KIF7: variants seen among roughly 807,000 people sequenced by gnomAD.
KIF7 encodes kinesin family member 7.
Under a neutral mutation model 135.7 loss-of-function variants are expected in KIF7, and 104 were observed. The observed-to-expected ratio is 0.77, with a 90% CI of 0.65 to 0.90. The LOEUF is 0.90. KIF7 is among the 40% of genes least tolerant of loss of function. The pLI, the probability that KIF7 is intolerant of heterozygous loss-of-function variation, is 0.00. For synonymous variants in KIF7, 883 were observed against 809.4 expected (o/e 1.09, Z -1.54); for missense variants, 2,005 against 1,839.1 (o/e 1.09, Z -1.65).
downstream of KIF7, chr15:89,625,183 C>A (rs538969502): frequency 9.3e-6 from 15 of 1,613,832 alleles, no homozygotes; most frequent in African/African-American, 1.3e-4. Flanking sequence ...TGTGTCACCC[C>A]CCTGCCCCCG....
chr15:89,651,292 G>A (rs911271443), intron 2 of KIF7, among the ~76,000 whole-genome samples: 1 of 152,152 alleles, frequency 6.6e-6, no homozygotes, highest in African/African-American at 2.4e-5. Context: ...TAGAGACAGG[G>A]TTTCACCATG....
intron 15 of KIF7, chr15:89,630,802 G>C: frequency 6.3e-6 from 3 of 474,178 alleles, no homozygotes. Context: ...GAGGCACCAC[G>C]GTGTCTGCTG....
intron 18 of KIF7, 44 bp from the exon 19 acceptor site, chr15:89,628,830 C>G: frequency 2.5e-6 from 4 of 1,612,004 alleles, no homozygotes; most frequent in Non-Finnish European, 3.4e-6. Context: ...CAGGTGGCAA[C>G]ACCTTCCCGA....
At chr15:89,653,027 C>T (rs1260552871) in intron 1 of KIF7, 73 bp from the exon 2 acceptor site, 15 of 1,197,130 alleles carry the variant, frequency 1.3e-5, no homozygotes, top group Admixed American at 1.1e-4. Context: ...GCAGGGGACT[C>T]GAGCCAGATC....
At position 89,619,589 on chromosome 15, in the gene KIF7, C is replaced by A. The variant is rs150440121; in HGVS notation, c.181-1394G>T. 5.8e-5 allele frequency: 62 copies of A among 1,060,138 alleles called. No homozygotes were observed. The African/African-American group carries it at 8.3e-4, about 14-fold the overall frequency. The allele number at this position is 1,060,138 out of a possible 1,614,324, so 65.7% of individuals were successfully genotyped here. On this transcript the variant is annotated intron_variant and NMD_transcript_variant, in intron 1 of 2. Coordinates refer to the KIF7 transcript ENST00000558928. ...TTCAGAAGTCTCTTAAAGCTAATAG[C>A]TTGCTGAATTTCCATCTTATATGTG... is the stretch of plus-strand genomic sequence containing the variant.
Position 89,645,412 on chromosome 15 carries a change from G to T in KIF7, c.1962C>A (p.Arg654=). The T allele has an allele frequency of 6.2e-7, 1 of 1,614,012 alleles. No individual in the cohort carries two copies. The highest frequency in any genetic ancestry group is 8.5e-7 in the Non-Finnish European group (1 of 1,179,908). Residue 654 remains arginine, a synonymous_variant, in exon 9 of 19, where the codon CGC becomes CGA. Transcript: ENST00000394412. ...CCTTCCTCTCTGGCAGACTCCCTGG[G>T]CGTGCCCCCGCCCTCTGACTGCAGT... ...ISNCSQRAGA[R]PGSLPERKGP...
At chr15:89,617,321 A>G (rs1221961188) in intron 2 of KIF7, among the ~76,000 whole-genome samples, 3 of 152,202 alleles carry the variant, frequency 2.0e-5, no homozygotes, top group Non-Finnish European at 4.4e-5. Context: ...AGAGGCATAT[A>G]TATTTTTAAT....
intron 2 of KIF7, 72 bp downstream of exon 2, chr15:89,652,531 G>A: frequency 8.5e-7 from 1 of 1,179,432 alleles, no homozygotes. Flanking sequence ...GCAGCAAGAG[G>A]ACAAGGCAGA....
rs1964024972 is a variant in KIF7 at position 89,646,974 on chromosome 15, C to T, written c.1644G>A (p.Pro548=). The T allele has an allele frequency of 1.9e-6, 3 of 1,613,052 alleles. No homozygotes were observed. The highest frequency in any genetic ancestry group is 2.2e-5 in the East Asian group (1 of 44,874). ...LELVRPGWGG[P]RLLNGLPPGS... ...CGGGAGGCAGGCCATTCAGGAGCCG[C>T]GGGCCCCCCCAGCCTGGCCGCACCA... Residue 548 remains proline, a synonymous_variant, in exon 7 of 19, where the codon CCG becomes CCA. Coordinates refer to ENST00000394412, the MANE Select transcript of KIF7 (RefSeq NM_198525.3).
At chr15:89,628,914 G>GTCTC (rs1265128189) in intron 18 of KIF7, 62 bp downstream of exon 18, 2 of 1,612,278 alleles carry the variant, frequency 1.2e-6, no homozygotes, top group African/African-American at 2.7e-5. Context: ...AGGGAGAGTG[G>GTCTC]TCTCTAAGCT....
intron 10 of KIF7, 47 bp downstream of exon 10, chr15:89,644,966 G>A: frequency 6.2e-7 from 1 of 1,602,052 alleles, no homozygotes; most frequent in East Asian, 2.2e-5. Context: ...AAGTAACGAT[G>A]AGAAGTCCCC....
At chr15:89,656,730 A>AATTAAG (rs1409465769), upstream of KIF7, among the ~76,000 whole-genome samples, 12 of 152,160 alleles carry the variant, frequency 7.9e-5, no homozygotes, top group Non-Finnish European at 1.3e-4. Context: ...TTCCTCCAAT[A>AATTAAG]GACAATTCAA....
chr15:89,624,964 G>T, downstream of KIF7: 1 of 1,614,092 alleles, frequency 6.2e-7, no homozygotes, highest in African/African-American at 1.3e-5. Flanking sequence ...GCATTCCACA[G>T]ACTCTGCCAG....
At chr15:89,659,837 T>A (rs908009337), upstream of KIF7, among the ~76,000 whole-genome samples, 1 of 152,222 alleles carries the variant, frequency 6.6e-6, no homozygotes, top group Non-Finnish European at 1.5e-5. Context: ...GGAATCCCAC[T>A]CTTAGTCATA....
downstream of KIF7, chr15:89,625,631 A>G (rs148902946): frequency 5.5e-5 from 88 of 1,613,370 alleles, no homozygotes; most frequent in African/African-American, 2.0e-4. Flanking sequence ...AGTTCCAGGA[A>G]GAGAGTCCTG....
downstream of KIF7, chr15:89,625,449 G>A (rs1161429785): frequency 6.2e-7 from 1 of 1,613,966 alleles, no homozygotes; most frequent in Non-Finnish European, 8.5e-7. Context: ...CTGGGAGCCT[G>A]TCACTGCTTG....
chr15:89,625,162 G>T, downstream of KIF7: 3 of 1,613,760 alleles, frequency 1.9e-6, no homozygotes, highest in Non-Finnish European at 2.5e-6. Flanking sequence ...AAGCAAACCT[G>T]AACCCACCTA....
chr15:89,646,139 A>G (rs1964009294), intron 7 of KIF7, 113 bp from the exon 8 acceptor site: 4 of 1,344,414 alleles, frequency 3.0e-6, no homozygotes, highest in Middle Eastern at 1.8e-4. Context: ...TTCGTGATCC[A>G]GCTCAAATGA....
intron 12 of KIF7, 137 bp from the exon 13 acceptor site, chr15:89,633,403 C>T (rs1963729304): frequency 8.4e-7 from 1 of 1,188,448 alleles, no homozygotes; most frequent in African/African-American, 1.5e-5. Context: ...ACCCATCCCA[C>T]ACAAATCTCC....
Sources: gnomAD v4.1 joint callset for allele counts (sites outside exome capture counted in the v4.1 genomes callset) on GRCh38, gnomAD v4.1.1 for gene constraint, MANE v1.5 for transcripts, NCBI Gene and HGNC (gene_info 2026-07-23, HGNC 2026-07-21) for gene names.